Variants in NTNG1 observed in about 807,000 individuals in gnomAD.
The protein encoded by NTNG1 is netrin G1.
A neutral mutation model predicts 54.0 loss-of-function variants in NTNG1; 16 were observed. The observed-to-expected ratio is 0.30, with a 90% confidence interval of 0.20 to 0.45. NTNG1 has a LOEUF of 0.45. NTNG1 is among the 20% of genes least tolerant of loss of function. The pLI is 1.00. For missense variants in NTNG1, 530 were observed against 678.7 expected (o/e 0.78, Z 2.43); for synonymous variants, 255 against 263.1 (o/e 0.97, Z 0.30).
At position 107,297,216 on chromosome 1, in the gene NTNG1, CATATATATAT is replaced by C. The variant is rs755223720; in HGVS notation, c.247-27045_247-27036del. 3.9e-3 allele frequency among the ~76,000 whole-genome samples: 61 copies of C among 15,492 alleles called. No individual in the cohort carries two copies. In the East Asian group the frequency reaches 0.1, roughly 26 times the overall value. 10.2% of individuals were successfully genotyped at this position (15,492 alleles called of 152,430 possible). ...ATATAACATCATATATATATACCAT[CATATATATAT>C]ATATATATATATATATATATGCGCA... On this transcript the variant is annotated intron_variant, in intron 2 of 7. Coordinates refer to ENST00000370068, the MANE Select transcript of NTNG1 (RefSeq NM_001113226.3).
At chr1:107,262,767 A>G (rs1384353839) in intron 2 of NTNG1, among the ~76,000 whole-genome samples, 2 of 152,238 alleles carry the variant, frequency 1.3e-5, no homozygotes, top group African/African-American at 4.8e-5. Flanking sequence ...ATGAAAAACA[A>G]TCTCTTCATT....
At chr1:107,297,514 C>T (rs935347324) in intron 2 of NTNG1, among the ~76,000 whole-genome samples, 23 of 151,928 alleles carry the variant, frequency 1.5e-4, no homozygotes, top group Non-Finnish European at 2.6e-4. Flanking sequence ...CACCCCACTC[C>T]AGTATCAAGA....
intron 2 of NTNG1, among the ~76,000 whole-genome samples, chr1:107,183,334 A>G (rs905345281): frequency 6.6e-6 from 1 of 152,176 alleles, no homozygotes; most frequent in Non-Finnish European, 1.5e-5. Flanking sequence ...CCTCATTTGC[A>G]TTTAGACTAA....
At chr1:107,231,851 A>G (rs962594344) in intron 2 of NTNG1, among the ~76,000 whole-genome samples, 2 of 151,908 alleles carry the variant, frequency 1.3e-5, no homozygotes, top group Admixed American at 1.3e-4. Flanking sequence ...TATGGCTACA[A>G]TAGAAGAAAT....
At chr1:107,256,702 G>GA (rs1458914353) in intron 2 of NTNG1, among the ~76,000 whole-genome samples, 1 of 152,150 alleles carries the variant, frequency 6.6e-6, no homozygotes, top group African/African-American at 2.4e-5. Context: ...CTGGACGGGA[G>GA]GAGAGGAGAG....
intron 2 of NTNG1, among the ~76,000 whole-genome samples, chr1:107,272,473 A>G (rs1664210545): frequency 6.6e-6 from 1 of 152,176 alleles, no homozygotes; most frequent in Admixed American, 6.5e-5. Flanking sequence ...AAAGAATTCC[A>G]CTGGGAACAT....
intron 2 of NTNG1, among the ~76,000 whole-genome samples, chr1:107,223,645 T>C (rs1660494176): frequency 6.6e-6 from 1 of 152,194 alleles, no homozygotes. Context: ...ATTTATTAAT[T>C]TTTCTACAGT....
chr1:107,283,177 G>C (rs1664979619), intron 2 of NTNG1, among the ~76,000 whole-genome samples: 1 of 152,136 alleles, frequency 6.6e-6, no homozygotes, highest in Non-Finnish European at 1.5e-5. Flanking sequence ...GTAGCACCCA[G>C]TCTTTCCCAG....
chr1:107,288,800 T>G (rs1158018371), intron 2 of NTNG1, among the ~76,000 whole-genome samples: 1 of 152,198 alleles, frequency 6.6e-6, no homozygotes, highest in Non-Finnish European at 1.5e-5. Context: ...TTATGTATTT[T>G]GTTCAAAGGT....
At chr1:107,249,207 C>T (rs569070064) in intron 2 of NTNG1, among the ~76,000 whole-genome samples, 13 of 150,374 alleles carry the variant, frequency 8.6e-5, no homozygotes, top group African/African-American at 2.9e-4. Context: ...TGGGTAAGGC[C>T]GGGCACGGTG....
chr1:107,437,553 G>T (rs1180499939), intron 7 of NTNG1, among the ~76,000 whole-genome samples: 1 of 152,058 alleles, frequency 6.6e-6, no homozygotes, highest in African/African-American at 2.4e-5. Flanking sequence ...CTATAGACAG[G>T]TATTTTGCTA....
intron 3 of NTNG1, among the ~76,000 whole-genome samples, chr1:107,332,666 G>T (rs1359182966): frequency 6.6e-6 from 1 of 152,032 alleles, no homozygotes; most frequent in Non-Finnish European, 1.5e-5. Context: ...CAATGGTTCA[G>T]TAAAGAGACT....
chr1:107,351,953 A>G (rs1271262320), intron 3 of NTNG1, among the ~76,000 whole-genome samples: 2 of 152,252 alleles, frequency 1.3e-5, no homozygotes, highest in Admixed American at 1.3e-4. Context: ...AAAACCCAAC[A>G]TGGTAGTCAT....
rs1046500032 is a variant in NTNG1, at chr1:107,148,583, A to G, written c.-11A>G. On this transcript the variant is annotated 5_prime_UTR_variant, in exon 2 of 8. Transcript: ENST00000370068. ...GCTTTAGTTTCCAAGAAGATTACAA[A>G]GAATTTAGAGATGTATTTGTCAAGA... is the stretch of plus-strand genomic sequence containing the variant. 1.2e-6 allele frequency: 2 copies of G among 1,611,332 alleles called. No individual in the cohort carries two copies.
intron 4 of NTNG1, among the ~76,000 whole-genome samples, chr1:107,402,313 C>G (rs1382699191): frequency 1.3e-5 from 2 of 152,128 alleles, no homozygotes; most frequent in Non-Finnish European, 2.9e-5. Flanking sequence ...TCAGGGTCAG[C>G]CTTCTTCATG....
At chr1:107,387,222 T>G (rs1192935370) in intron 3 of NTNG1, among the ~76,000 whole-genome samples, 1 of 152,202 alleles carries the variant, frequency 6.6e-6, no homozygotes, top group Admixed American at 6.5e-5. Flanking sequence ...ATGCACCAAT[T>G]AGTAGATTTG....
At chr1:107,439,691 G>C (rs1675843545) in intron 7 of NTNG1, among the ~76,000 whole-genome samples, 1 of 151,996 alleles carries the variant, frequency 6.6e-6, no homozygotes, top group South Asian at 2.1e-4. Flanking sequence ...AAATTCTTCT[G>C]TCAGTTAGTA....
At chr1:107,431,099 G>A (rs570010509) in intron 6 of NTNG1, among the ~76,000 whole-genome samples, 182 bp downstream of exon 6, 33 of 152,120 alleles carry the variant, frequency 2.2e-4, no homozygotes, top group African/African-American at 6.7e-4. Context: ...TCATAGTTGG[G>A]GGATATACTT....
chr1:107,283,128 C>T (rs1664970462), intron 2 of NTNG1, among the ~76,000 whole-genome samples: 1 of 152,078 alleles, frequency 6.6e-6, no homozygotes, highest in African/African-American at 2.4e-5. Flanking sequence ...CTTTCAGACC[C>T]TAGCAAGGCT....
Sources: allele counts gnomAD v4.1 joint callset (sites outside exome capture counted in the v4.1 genomes callset), GRCh38; gene constraint gnomAD v4.1.1; transcripts MANE v1.5; gene names NCBI Gene and HGNC (gene_info 2026-07-23, HGNC 2026-07-21).